Variants in THSD7A observed in about 807,000 individuals in gnomAD.
THSD7A encodes thrombospondin type 1 domain containing 7A, also known as thrombospondin type-1 domain-containing protein 7A.
In THSD7A, 96 loss-of-function variants were observed where a neutral mutation model predicts 231.3. The observed-to-expected ratio is 0.41, with a 90% CI of 0.35 to 0.49. THSD7A has a LOEUF of 0.49. Ranked by LOEUF, THSD7A falls within the 20% of genes least tolerant of loss-of-function variation. The probability of loss-of-function intolerance (pLI) is 0.05; values close to 1 mark genes in which losing one functional copy is unlikely to be tolerated. For synonymous variants in THSD7A, 940 were observed against 743.3 expected (o/e 1.26, Z -4.30); for missense variants, 2,290 against 2,070.2 (o/e 1.11, Z -2.06).
chr7:11,828,432 T>C (rs1232488609), intron 1 of THSD7A, among the ~76,000 whole-genome samples: 2 of 152,180 alleles, frequency 1.3e-5, no homozygotes, highest in East Asian at 3.9e-4. Context: ...ATATATTAAA[T>C]TATCTTTGCG....
chr7:11,606,658 A>G (rs1178933591), intron 2 of THSD7A, among the ~76,000 whole-genome samples: 2 of 144,652 alleles, frequency 1.4e-5, no homozygotes, highest in East Asian at 3.9e-4. Flanking sequence ...TAAATTTAAT[A>G]ATACTTTTTT....
rs1788133794 is a variant in THSD7A, at chr7:11,518,611, ACACACACACG to A, written c.1822+22798_1822+22807del. On this transcript the variant is annotated intron_variant, in intron 6 of 27. Transcript: ENST00000423059. Reference sequence around the variant, plus strand: ...AAATAAAATAGAAACACACACACACACACACACACGCACACACAGGCACGCACACATAGAT... The same window carrying A: ...AAATAAAATAGAAACACACACACACACACACACAGGCACGCACACATAGAT... Among the ~76,000 whole-genome samples the A allele has an allele frequency of 2.0e-5, 3 of 151,978 alleles. No homozygotes were observed. In the South Asian group the frequency reaches 6.2e-4, roughly 32 times the overall value.
At chr7:11,455,963 G>T (rs182693180) in intron 11 of THSD7A, among the ~76,000 whole-genome samples, 10 of 151,994 alleles carry the variant, frequency 6.6e-5, no homozygotes, top group Middle Eastern at 6.8e-3. Context: ...GTCTATAAAG[G>T]CCACTTTATT....
At chr7:11,417,405 A>G (rs1783996564) in intron 17 of THSD7A, 45 bp downstream of exon 17, 2 of 1,482,624 alleles carry the variant, frequency 1.3e-6, no homozygotes, top group Non-Finnish European at 1.8e-6. Context: ...TCAGTGGCAA[A>G]TAATTAAATA....
chr7:11,609,469 C>T (rs1780848799), intron 2 of THSD7A, among the ~76,000 whole-genome samples: 1 of 152,154 alleles, frequency 6.6e-6, no homozygotes, highest in Non-Finnish European at 1.5e-5. Context: ...AGAGCTGTTC[C>T]ATGGGAACAG....
rs1562556207 is a variant in THSD7A at position 11,374,715 on chromosome 7, C to T, written c.*1079G>A. On this transcript the variant is annotated 3_prime_UTR_variant, in exon 28 of 28. Coordinates refer to ENST00000423059, the MANE Select transcript of THSD7A (RefSeq NM_015204.3). ...TTACAAACCAACTAGAGGAATCCAC[C>T]TTTTAGAGGGTTAAGGGGTTAGGGA... 6.6e-6 allele frequency: 1 copy of T among 151,872 alleles called. No homozygotes were observed. The highest frequency in any genetic ancestry group is 1.5e-5 in the Non-Finnish European group (1 of 67,954). The allele number at this position is 151,872 out of a possible 1,614,324, so 9.4% of individuals were successfully genotyped here.
intron 1 of THSD7A, among the ~76,000 whole-genome samples, chr7:11,678,401 A>G (rs1483200031): frequency 6.6e-6 from 1 of 152,098 alleles, no homozygotes; most frequent in South Asian, 2.1e-4. Context: ...ATCAGTGAAT[A>G]CAGGAGCTGG....
intron 13 of THSD7A, among the ~76,000 whole-genome samples, chr7:11,434,243 G>A (rs1161295239): frequency 6.6e-6 from 1 of 152,042 alleles, no homozygotes; most frequent in East Asian, 1.9e-4. Context: ...AGGATGCTAG[G>A]ATAAAATAAA....
At chr7:11,448,684 T>A (rs1381996785) in intron 11 of THSD7A, among the ~76,000 whole-genome samples, 2 of 152,084 alleles carry the variant, frequency 1.3e-5, no homozygotes, top group African/African-American at 4.8e-5. Flanking sequence ...AGTGTGTAAA[T>A]GGACATAACT....
chr7:11,592,438 A>G (rs374146785), intron 3 of THSD7A, among the ~76,000 whole-genome samples: 5 of 152,190 alleles, frequency 3.3e-5, no homozygotes, highest in African/African-American at 1.2e-4. Context: ...TAAATATCCT[A>G]TATACAGATT....
chr7:11,823,814 T>C (rs904139437), intron 1 of THSD7A, among the ~76,000 whole-genome samples: 4 of 152,054 alleles, frequency 2.6e-5, no homozygotes, highest in Non-Finnish European at 4.4e-5. Context: ...TAATATAAGC[T>C]TTTTTACTGT....
chr7:11,396,944 G>A (rs548555790), intron 23 of THSD7A, among the ~76,000 whole-genome samples: 102 of 152,184 alleles, frequency 6.7e-4, no homozygotes, highest in African/African-American at 2.2e-3. Flanking sequence ...TGATCAAGTC[G>A]GCTTCATCCC....
intron 17 of THSD7A, among the ~76,000 whole-genome samples, chr7:11,416,518 T>G (rs890775928): frequency 6.6e-6 from 1 of 152,206 alleles, no homozygotes; most frequent in African/African-American, 2.4e-5. Context: ...ACAGTGTAAC[T>G]TGCATTCCAA....
intron 1 of THSD7A, among the ~76,000 whole-genome samples, chr7:11,774,010 T>C (rs191570342): frequency 1.5e-4 from 23 of 152,288 alleles, no homozygotes; most frequent in African/African-American, 5.1e-4. Flanking sequence ...TAAAATAGCA[T>C]AGTTCTTCAA....
intron 1 of THSD7A, among the ~76,000 whole-genome samples, chr7:11,775,658 A>G (rs1783377518): frequency 1.3e-5 from 2 of 152,176 alleles, no homozygotes; most frequent in Admixed American, 6.5e-5. Flanking sequence ...GACAAAAACT[A>G]GAATGATGGT....
At chr7:11,478,235 C>T (rs1263777564) in intron 7 of THSD7A, among the ~76,000 whole-genome samples, 4 of 152,218 alleles carry the variant, frequency 2.6e-5, no homozygotes, top group Non-Finnish European at 4.4e-5. Flanking sequence ...AAACACTCCT[C>T]AACTGTGTCT....
At chr7:11,633,176 A>G (rs1388588655) in intron 2 of THSD7A, among the ~76,000 whole-genome samples, 1 of 152,124 alleles carries the variant, frequency 6.6e-6, no homozygotes, top group Admixed American at 6.6e-5. Context: ...TCAGAAAACC[A>G]TATTTCCTTT....
In THSD7A at chr7:11,653,120, C is replaced by A. The variant is rs372391571; in HGVS notation, c.191-16159G>T. Among the ~76,000 whole-genome samples the A allele has an allele frequency of 2.7e-3, 413 of 152,076 alleles. 1 individual carries two copies. Among genetic ancestry groups the A allele is most frequent in the Non-Finnish European group, 4.5e-3 (308 of 67,948 alleles). ...ATTTCTCACCATCTGCATCTTTCAA[C>A]AACCCTGCCATACAGGTTTTAACTA... On this transcript the variant is annotated intron_variant, in intron 1 of 27. Coordinates refer to ENST00000423059, the MANE Select transcript of THSD7A (RefSeq NM_015204.3).
intron 4 of THSD7A, among the ~76,000 whole-genome samples, chr7:11,556,735 G>A (rs1789862071): frequency 6.6e-6 from 1 of 151,970 alleles, no homozygotes; most frequent in East Asian, 1.9e-4. Flanking sequence ...TATTTTCTCT[G>A]AGTATTGAAT....
Sources: allele counts gnomAD v4.1 joint callset (sites outside exome capture counted in the v4.1 genomes callset), GRCh38; gene constraint gnomAD v4.1.1; transcripts MANE v1.5; gene names NCBI Gene and HGNC (gene_info 2026-07-23, HGNC 2026-07-21).